TMEM132B: variants seen among roughly 807,000 people sequenced by gnomAD.
TMEM132B encodes transmembrane protein 132B.
A neutral mutation model predicts 90.8 loss-of-function variants in TMEM132B; 18 were observed. The observed-to-expected ratio is 0.20, with a 90% confidence interval of 0.14 to 0.29. The LOEUF is 0.29. Among genes scored for constraint, TMEM132B ranks in the 10% least tolerant of loss-of-function variants. The pLI is 1.00. For missense variants in TMEM132B, 1,096 were observed against 1,326.8 expected, an observed-to-expected ratio of 0.83 and a Z score of 2.70; for synonymous variants, 504 against 523.3, an observed-to-expected ratio of 0.96 and a Z score of 0.50.
chr12:125,501,446 T>C (rs1443387383), intron 3 of TMEM132B, among the ~76,000 whole-genome samples: 2 of 152,214 alleles, frequency 1.3e-5, no homozygotes, highest in African/African-American at 4.8e-5. Flanking sequence ...ACATGTGCCA[T>C]GGTGGTTTGC....
intron 4 of TMEM132B, among the ~76,000 whole-genome samples, chr12:125,536,984 T>G (rs1198333173): frequency 6.6e-6 from 1 of 152,224 alleles, no homozygotes; most frequent in Non-Finnish European, 1.5e-5. Context: ...TTACTCTTTT[T>G]GGGATTTTTT....
chr12:125,311,686 A>C (rs374702014), intron 1 of TMEM132B, among the ~76,000 whole-genome samples: 113 of 152,320 alleles, frequency 7.4e-4, no homozygotes, highest in African/African-American at 2.6e-3. Context: ...TGAAAATGCA[A>C]ATCATAGCCC....
rs183050956 is a variant in TMEM132B, at chr12:125,494,209, G to A, written c.1107-25230G>A. Among the ~76,000 whole-genome samples, 7 of 70,526 alleles carry A rather than the reference G, an allele frequency of 9.9e-5. 1 individual carries two copies. Among genetic ancestry groups the A allele is most frequent in the South Asian group, 5.1e-4 (1 of 1,952 alleles). The allele number at this position is 70,526 out of a possible 152,430, so 46.3% of individuals were successfully genotyped here. ...CCCCCTCCTCCCTGGAAATGGATGC[G>A]TCCCCTCCTCTCCCTCCTCCCTGGA... On this transcript the variant is annotated intron_variant, in intron 3 of 8. Transcript: ENST00000682704.
At chr12:125,437,927 G>T (rs192553641) in intron 3 of TMEM132B, among the ~76,000 whole-genome samples, 4 of 152,270 alleles carry the variant, frequency 2.6e-5, no homozygotes, top group East Asian at 3.9e-4. Context: ...CCGTTGACTT[G>T]CTTGCTTTAC....
intron 2 of TMEM132B, among the ~76,000 whole-genome samples, chr12:125,364,926 C>T (rs1486046915): frequency 2.0e-5 from 3 of 151,866 alleles, no homozygotes; most frequent in African/African-American, 7.2e-5. Context: ...ATAGCATACA[C>T]TTGTGTCTTG....
At chr12:125,269,023 G>C (rs1010143554) in intron 1 of TMEM132B, among the ~76,000 whole-genome samples, 8 of 152,208 alleles carry the variant, frequency 5.3e-5, no homozygotes, top group Non-Finnish European at 8.8e-5. Context: ...TTTACCAACT[G>C]ATATAGTTAA....
At chr12:125,214,053 T>G (rs910691716) in intron 1 of TMEM132B, among the ~76,000 whole-genome samples, 8 of 152,146 alleles carry the variant, frequency 5.3e-5, no homozygotes, top group Admixed American at 3.9e-4. Context: ...GATAAATAAT[T>G]CCAATACAGT....
intron 4 of TMEM132B, among the ~76,000 whole-genome samples, chr12:125,528,662 A>C (rs1461884731): frequency 6.6e-6 from 1 of 152,262 alleles, no homozygotes; most frequent in African/African-American, 2.4e-5. Flanking sequence ...CAATGCAGGC[A>C]TTAGGGGCAC....
chr12:125,454,335 G>A (rs933096504), intron 3 of TMEM132B, among the ~76,000 whole-genome samples: 5 of 151,554 alleles, frequency 3.3e-5, no homozygotes, highest in African/African-American at 7.3e-5. Context: ...CAACAGTTAC[G>A]CAGAAAGATG....
intron 1 of TMEM132B, among the ~76,000 whole-genome samples, chr12:125,284,983 A>T (rs1875307710): frequency 6.6e-6 from 1 of 152,320 alleles, no homozygotes; most frequent in East Asian, 1.9e-4. Flanking sequence ...GGAAGAAAAC[A>T]CACCCAAATC....
At chr12:125,378,665 C>A (rs1163560882) in intron 2 of TMEM132B, among the ~76,000 whole-genome samples, 1 of 152,182 alleles carries the variant, frequency 6.6e-6, no homozygotes, top group Non-Finnish European at 1.5e-5. Context: ...CCAGAGCTAC[C>A]TACTTGCATT....
intron 3 of TMEM132B, among the ~76,000 whole-genome samples, chr12:125,473,617 G>A (rs771710202): frequency 1.3e-5 from 2 of 152,152 alleles, no homozygotes; most frequent in Non-Finnish European, 2.9e-5. Flanking sequence ...TCTTTCATGG[G>A]ACTCTCCTGT....
At chr12:125,599,621 TAAAG>T (rs769008962) in intron 5 of TMEM132B, among the ~76,000 whole-genome samples, 5 of 152,064 alleles carry the variant, frequency 3.3e-5, no homozygotes, top group Non-Finnish European at 7.4e-5. Context: ...CAGGACAAAA[TAAAG>T]AAGTAGTAGA....
At chr12:125,380,210 C>A (rs1291178100) in intron 2 of TMEM132B, among the ~76,000 whole-genome samples, 1 of 152,112 alleles carries the variant, frequency 6.6e-6, no homozygotes, top group African/African-American at 2.4e-5. Context: ...GTGGTTCTCT[C>A]CTAGCTTCTG....
chr12:125,194,267 T>TG (rs1872873679), intron 1 of TMEM132B, among the ~76,000 whole-genome samples: 2 of 138,508 alleles, frequency 1.4e-5, no homozygotes, highest in Non-Finnish European at 3.3e-5. Flanking sequence ...AATTAACCCG[T>TG]TGGTGGGGGG....
chr12:125,541,612 T>C (rs1883959056), intron 4 of TMEM132B, among the ~76,000 whole-genome samples: 1 of 151,968 alleles, frequency 6.6e-6, no homozygotes, highest in Non-Finnish European at 1.5e-5. Flanking sequence ...AATCTCACCC[T>C]AAAAGGTGAG....
rs1485373403 is a variant in TMEM132B at position 125,460,506 on chromosome 12, T to TA, written c.1106+44835dup. Among the ~76,000 whole-genome samples, 1 of 151,794 alleles carries TA rather than the reference T, an allele frequency of 6.6e-6. No individual in the cohort carries two copies. Among genetic ancestry groups the TA allele is most frequent in the Non-Finnish European group, 1.5e-5 (1 of 67,930 alleles). ...GACTCCATCTCAAAAAAATAAAAAG[T>TA]AAAAAATAAAAAAAAATCTACCAAG... On this transcript the variant is annotated intron_variant, in intron 3 of 8. Coordinates refer to ENST00000682704, the MANE Select transcript of TMEM132B (RefSeq NM_001366854.1). This position sits in a 1 kb window ranked among gnomAD's most constrained non-coding sequence, Gnocchi z 4.4.
At chr12:125,504,278 C>T (rs1882773388) in intron 3 of TMEM132B, among the ~76,000 whole-genome samples, 1 of 152,170 alleles carries the variant, frequency 6.6e-6, no homozygotes, top group Admixed American at 6.5e-5. Context: ...TTGTGGGCTT[C>T]TCCCAACTCT....
rs565676944 is a variant in TMEM132B at position 125,368,268 on chromosome 12, A to G, written c.959+17925A>G. Among the ~76,000 whole-genome samples, 4 of 152,316 alleles carry G rather than the reference A, an allele frequency of 2.6e-5. No individual in the cohort carries two copies. In the South Asian group the frequency reaches 8.3e-4, roughly 32 times the overall value. ...CCTCATGATTAGATTCAGGTTATGC[A>G]TCTGTTGCATTAATGCCACAGAAAT... On this transcript the variant is annotated intron_variant, in intron 2 of 8. Coordinates refer to ENST00000682704, the MANE Select transcript of TMEM132B (RefSeq NM_001366854.1).
Sources: allele counts gnomAD v4.1 joint callset (sites outside exome capture counted in the v4.1 genomes callset), GRCh38; gene constraint gnomAD v4.1.1; non-coding constraint Gnocchi (gnomAD v3.1); transcripts MANE v1.5; gene names NCBI Gene and HGNC (gene_info 2026-07-23, HGNC 2026-07-21).